TMEM98: variants seen among roughly 807,000 people sequenced by gnomAD.
TMEM98 encodes transmembrane protein 98.
TMEM98 carries 18 observed loss-of-function variants against 25.0 expected under a neutral mutation model. The observed-to-expected ratio is 0.72, with a 90% CI of 0.50 to 1.07. The LOEUF is 1.07. TMEM98 is among the 50% of genes least tolerant of loss of function. The probability of loss-of-function intolerance (pLI) is 0.00; values close to 1 mark genes in which losing one functional copy is unlikely to be tolerated. For synonymous variants in TMEM98, 103 were observed against 112.4 expected (o/e 0.92, Z 0.53); for missense variants, 241 against 289.0 (o/e 0.83, Z 1.20).
At chr17:32,933,124 A>C in intron 3 of TMEM98, 50 bp from the exon 4 acceptor site, 8 of 1,607,842 alleles carry the variant, frequency 5.0e-6, no homozygotes, top group Non-Finnish European at 6.8e-6. Flanking sequence ...GGAGAGGATC[A>C]GCAGCGGTCA....
At chr17:32,934,207 G>C (rs898775642) in intron 4 of TMEM98, 84 bp from the exon 5 acceptor site, 8 of 1,524,748 alleles carry the variant, frequency 5.2e-6, no homozygotes, top group Non-Finnish European at 7.3e-6. Context: ...CCACCGGTCA[G>C]GGCAAGTTGA....
In TMEM98 at chr17:32,938,475, C is replaced by T. The variant is rs537815349; in HGVS notation, c.414-1002C>T. ...ATCAAACAATACATCTTTATTTTTT[C>T]TTCCTATCGAGTGTTCATGAGCAAA... On this transcript the variant is annotated intron_variant, in intron 6 of 7. Transcript: ENST00000579849. Among the ~76,000 whole-genome samples the T allele has an allele frequency of 5.3e-4, 80 of 152,124 alleles. 1 individual carries two copies. The highest frequency in any genetic ancestry group is 4.4e-3 in the South Asian group (21 of 4,820).
rs201647960 is a variant in TMEM98, at chr17:32,931,484, A to G, written c.-45A>G. 5.8e-5 allele frequency: 93 copies of G among 1,592,528 alleles called. No individual in the cohort carries two copies. In the African/African-American group the frequency reaches 1.0e-3, roughly 18 times the overall value. ...TTCATGTTCTCTCAAGCTTTAGCCCATGAGGAGGATGTGACCGGGACTGAG... is the reference window on the plus strand; with the variant it reads ...TTCATGTTCTCTCAAGCTTTAGCCCGTGAGGAGGATGTGACCGGGACTGAG... On this transcript the variant is annotated 5_prime_UTR_variant, in exon 3 of 8. An upstream start codon of the reference 5' UTR is lost. Coordinates refer to ENST00000579849, the MANE Select transcript of TMEM98 (RefSeq NM_015544.3).
chr17:32,933,076 TC>T, intron 3 of TMEM98, 97 bp from the exon 4 acceptor site: 3 of 1,510,254 alleles, frequency 2.0e-6, no homozygotes, highest in Non-Finnish European at 2.7e-6. Context: ...GCTTACTGAC[TC>T]CCTTACTTCT....
At position 32,943,178 on chromosome 17, in the gene TMEM98, T is replaced by C. The variant is rs979886489; in HGVS notation, c.*2185T>C. The C allele has an allele frequency of 2.6e-5, 4 of 152,260 alleles. No individual in the cohort carries two copies. The highest frequency in any genetic ancestry group is 4.4e-5 in the Non-Finnish European group (3 of 68,080). The allele number at this position is 152,260 out of a possible 1,614,324, so 9.4% of individuals were successfully genotyped here. ...GAGGTTGCCGAAGATATTGGAGGTGTCTGCTGGACTGTAGGATTTCTGATC... is the reference window on the plus strand; with the variant it reads ...GAGGTTGCCGAAGATATTGGAGGTGCCTGCTGGACTGTAGGATTTCTGATC... On this transcript the variant is annotated 3_prime_UTR_variant, in exon 8 of 8. Coordinates refer to ENST00000579849, the MANE Select transcript of TMEM98 (RefSeq NM_015544.3).
Position 32,936,395 on chromosome 17 carries a change from A to C in TMEM98, c.361A>C (p.Thr121Pro), listed in dbSNP as rs1270908603. 6.2e-7 allele frequency: 1 copy of C among 1,614,026 alleles called. No homozygotes were observed. Among genetic ancestry groups the C allele is most frequent in the East Asian group, 2.2e-5 (1 of 44,896 alleles). Residue 121 changes from threonine (T) to proline (P), a missense_variant, in exon 6 of 8, where the codon ACT becomes CCT. Physicochemically the swap from Thr to Pro is conservative, Grantham distance 38. Coordinates refer to ENST00000579849, the MANE Select transcript of TMEM98 (RefSeq NM_015544.3). ...AATGGGCTCTGGGGCCAAGATGAAGACTTCAGCCAGTGTCAGCGACATCAT... is the reference window on the plus strand; with the variant it reads ...AATGGGCTCTGGGGCCAAGATGAAGCCTTCAGCCAGTGTCAGCGACATCAT... ...MTMGSGAKMK[T>P]SASVSDIIVV...
At chr17:32,940,219 G>A (rs746621886) in intron 7 of TMEM98, among the ~76,000 whole-genome samples, 1 of 152,106 alleles carries the variant, frequency 6.6e-6, no homozygotes, top group Non-Finnish European at 1.5e-5. Flanking sequence ...AATGCATCAT[G>A]GTACTAACCA....
chr17:32,936,738 G>A (rs1028265091), intron 6 of TMEM98, among the ~76,000 whole-genome samples: 9 of 152,140 alleles, frequency 5.9e-5, no homozygotes, highest in Non-Finnish European at 8.8e-5. Context: ...TGCAGAGCCC[G>A]TGGCCGCCCC....
intron 6 of TMEM98, 56 bp from the exon 7 acceptor site, chr17:32,939,421 A>AAGG (rs1555555972): frequency 7.0e-7 from 1 of 1,422,474 alleles, no homozygotes; most frequent in African/African-American, 3.2e-5. Flanking sequence ...AAAAAAAAAA[A>AAGG]AGGAGAAAAG....
rs566090378 is a variant in TMEM98 at position 32,942,973 on chromosome 17, G to T, written c.*1980G>T. On this transcript the variant is annotated 3_prime_UTR_variant, in exon 8 of 8. Transcript: ENST00000579849. ...ACCTGCACTAGAGCCCTAAGCCACA[G>T]AGAAGCAGTTCTGAATTGGTATCTC... 8 of 152,352 alleles carry T rather than the reference G, an allele frequency of 5.3e-5. No individual in the cohort carries two copies. The highest frequency in any genetic ancestry group is 7.3e-5 in the Non-Finnish European group (5 of 68,048). The allele number at this position is 152,352 out of a possible 1,614,324, so 9.4% of individuals were successfully genotyped here.
At chr17:32,934,773 G>C (rs932787921) in intron 5 of TMEM98, among the ~76,000 whole-genome samples, 2 of 152,082 alleles carry the variant, frequency 1.3e-5, no homozygotes, top group Non-Finnish European at 2.9e-5. Context: ...AGCCTTCTTT[G>C]GCTGTGACCG....
chr17:32,940,075 A>G (rs1300599144), intron 7 of TMEM98, among the ~76,000 whole-genome samples: 1 of 152,208 alleles, frequency 6.6e-6, no homozygotes, highest in African/African-American at 2.4e-5. Context: ...CCTTGGATTT[A>G]TATGACTGTG....
chr17:32,939,333 G>A, intron 6 of TMEM98, 144 bp from the exon 7 acceptor site: 1 of 722,064 alleles, frequency 1.4e-6, no homozygotes, highest in Middle Eastern at 2.6e-4. Flanking sequence ...CTTGAGCCTG[G>A]GAGGTGGATG....
At chr17:32,928,921 A>G (rs1387101219) in intron 1 of TMEM98, among the ~76,000 whole-genome samples, 3 of 146,984 alleles carry the variant, frequency 2.0e-5, no homozygotes, top group Admixed American at 6.7e-5. Context: ...ATAAACACTC[A>G]GCTCACACAC....
At position 32,943,983 on chromosome 17, in the gene TMEM98, A is replaced by G. The variant is rs554914294; in HGVS notation, c.*2990A>G. On this transcript the variant is annotated 3_prime_UTR_variant, in exon 8 of 8. Coordinates refer to ENST00000579849, the MANE Select transcript of TMEM98 (RefSeq NM_015544.3). ...GCCCCACTACAAGTCTGTTCATATG[A>G]AGACATACAAAGCCGTCGCCTCTAA... 2 of 152,320 alleles carry G rather than the reference A, an allele frequency of 1.3e-5. No individual in the cohort carries two copies. Among genetic ancestry groups the G allele is most frequent in the East Asian group, 3.9e-4 (2 of 5,180 alleles). The allele number at this position is 152,320 out of a possible 1,614,324, so 9.4% of individuals were successfully genotyped here. A position where few individuals can be genotyped will look rare whatever the true frequency, so the allele number is the denominator to read the frequency against.
intron 6 of TMEM98, among the ~76,000 whole-genome samples, chr17:32,938,727 C>G (rs28921): frequency 0.79 from 119,865 of 152,118 alleles, 48,085 homozygotes; most frequent in African/African-American, 0.91. Flanking sequence ...TGCAGACATA[C>G]ATGACCTGGA....
intron 4 of TMEM98, 22 bp from the exon 5 acceptor site, chr17:32,934,269 T>G (rs559725091): frequency 6.2e-7 from 1 of 1,614,120 alleles, no homozygotes; most frequent in South Asian, 1.1e-5. Flanking sequence ...TGAGCACTGA[T>G]GACTTCTTCT....
At chr17:32,930,444 TAAAAG>T (rs1355050120) in intron 1 of TMEM98, among the ~76,000 whole-genome samples, 3 of 152,152 alleles carry the variant, frequency 2.0e-5, no homozygotes, top group Non-Finnish European at 1.5e-5. Context: ...TGTACACAAA[TAAAAG>T]AATTCTATGA....
At chr17:32,939,454 G>A (rs1290488479) in intron 6 of TMEM98, 23 bp from the exon 7 acceptor site, 7 of 1,612,240 alleles carry the variant, frequency 4.3e-6, no homozygotes, top group Non-Finnish European at 5.1e-6. Flanking sequence ...GTGAAGTACT[G>A]AACACCTTTT....
Sources: gnomAD v4.1 joint callset for allele counts (sites outside exome capture counted in the v4.1 genomes callset) on GRCh38, gnomAD v4.1.1 for gene constraint, MANE v1.5 for transcripts, NCBI Gene and HGNC (gene_info 2026-07-23, HGNC 2026-07-21) for gene names.